Variants in SMLR1 observed in about 807,000 individuals in gnomAD.
SMLR1 encodes the protein small leucine rich protein 1.
A neutral mutation model predicts 6.1 loss-of-function variants in SMLR1; 3 were observed. That is an observed-to-expected ratio of 0.49 (90% CI 0.22 to 1.28). SMLR1 has a LOEUF of 1.28. SMLR1 is among the 50% of genes most tolerant of loss of function. The probability of loss-of-function intolerance (pLI) is 0.19; values close to 1 mark genes in which losing one functional copy is unlikely to be tolerated. For missense variants in SMLR1, 126 were observed against 124.8 expected (o/e 1.01, Z -0.05); for synonymous variants, 55 against 53.6 (o/e 1.03, Z -0.11).
Position 130,835,002 on chromosome 6 carries a change from C to A in SMLR1, c.*47C>A. 6.9e-7 allele frequency: 1 copy of A among 1,449,156 alleles called. No individual in the cohort carries two copies. Among genetic ancestry groups the A allele is most frequent in the South Asian group, 1.2e-5 (1 of 82,056 alleles). 89.8% of individuals were successfully genotyped at this position (1,449,156 alleles called of 1,614,324 possible). A position where few individuals can be genotyped will look rare whatever the true frequency, so the allele number is the denominator to read the frequency against. On this transcript the variant is annotated 3_prime_UTR_variant, in exon 2 of 2. Coordinates refer to ENST00000541421, the MANE Select transcript of SMLR1 (RefSeq NM_001195597.2). ...TAAAGCACAATGAGTTTCTACTGGT[C>A]AGCAAGCAATGGCCAACAGTTCAGC...
intron 1 of SMLR1, among the ~76,000 whole-genome samples, chr6:130,834,215 T>C (rs1706552022): frequency 6.6e-6 from 1 of 151,962 alleles, no homozygotes; most frequent in Admixed American, 6.6e-5. Context: ...AAGGAGCAGA[T>C]AAAAGCACAC....
chr6:130,828,814 T>C (rs938476781), intron 1 of SMLR1, among the ~76,000 whole-genome samples: 1 of 152,186 alleles, frequency 6.6e-6, no homozygotes, highest in Non-Finnish European at 1.5e-5. Flanking sequence ...TAAATCCTTT[T>C]CTTTGTTAAG....
In SMLR1 at chr6:130,836,253, G is replaced by C. The variant is rs941799637; in HGVS notation, c.*1298G>C. 1 of 152,178 alleles carries C rather than the reference G, an allele frequency of 6.6e-6. No individual in the cohort carries two copies. The highest frequency in any genetic ancestry group is 2.4e-5 in the African/African-American group (1 of 41,432). The allele number at this position is 152,178 out of a possible 1,614,324, so 9.4% of individuals were successfully genotyped here. A position where few individuals can be genotyped will look rare whatever the true frequency, so the allele number is the denominator to read the frequency against. The stretch of plus-strand genomic sequence containing the variant: ...AAATGTCTGCCGGGGTTTTCAGACT[G>C]AACTAATTCAGAGTAACAGTGCTCT... On this transcript the variant is annotated 3_prime_UTR_variant, in exon 2 of 2. Coordinates refer to ENST00000541421, the MANE Select transcript of SMLR1 (RefSeq NM_001195597.2).
At position 130,836,471 on chromosome 6, in the gene SMLR1, T is replaced by C. The variant is rs868754067; in HGVS notation, c.*1516T>C. 1.3e-5 allele frequency: 2 copies of C among 152,234 alleles called. No homozygotes were observed. The highest frequency in any genetic ancestry group is 2.9e-5 in the Non-Finnish European group (2 of 68,078). The allele number at this position is 152,234 out of a possible 1,614,324, so 9.4% of individuals were successfully genotyped here. A position where few individuals can be genotyped will look rare whatever the true frequency, so the allele number is the denominator to read the frequency against. On this transcript the variant is annotated 3_prime_UTR_variant, in exon 2 of 2. Coordinates refer to ENST00000541421, the MANE Select transcript of SMLR1 (RefSeq NM_001195597.2). Reference sequence around the variant, plus strand: ...CAAGGTTTGCTCCATCTTCCTCCAATAATGGGCACTTCAGAAGGCCAGTTC... The same window carrying C: ...CAAGGTTTGCTCCATCTTCCTCCAACAATGGGCACTTCAGAAGGCCAGTTC...
Position 130,827,540 on chromosome 6 carries a change from T to C in SMLR1, c.127T>C (p.Ser43Pro), listed in dbSNP as rs1441723244. Reference protein sequence around the residue: ...SVWLAMSSVLSAFMRELPGWF... With the variant: ...SVWLAMSSVLPAFMRELPGWF... ...GTGGTTGGCAATGAGCTCTGTGCTG[T>C]CAGCTTTCATGAGGGAGCTCCCTGG... The change falls in exon 1 of 2, where the codon TCA becomes CCA. Residue 43 changes from serine to proline, a missense_variant. Physicochemically the swap from Ser to Pro is moderately conservative, Grantham distance 74. Coordinates refer to ENST00000541421, the MANE Select transcript of SMLR1 (RefSeq NM_001195597.2). The C allele has an allele frequency of 1.3e-6, 2 of 1,536,032 alleles. No individual in the cohort carries two copies. Among genetic ancestry groups the C allele is most frequent in the African/African-American group, 2.7e-5 (2 of 73,146 alleles).
At chr6:130,832,086 C>T (rs1774472744) in intron 1 of SMLR1, among the ~76,000 whole-genome samples, 1 of 152,162 alleles carries the variant, frequency 6.6e-6, no homozygotes, top group Non-Finnish European at 1.5e-5. Context: ...CCAATCCCTG[C>T]ATCAGCCATT....
chr6:130,834,745 C>A, intron 1 of SMLR1, 125 bp from the exon 2 acceptor site: 1 of 700,654 alleles, frequency 1.4e-6, no homozygotes, highest in Non-Finnish European at 2.5e-6. Context: ...GCTTGGAAGA[C>A]CTGGACTTCT....
At chr6:130,831,976 A>G (rs1774464294) in intron 1 of SMLR1, among the ~76,000 whole-genome samples, 1 of 152,168 alleles carries the variant, frequency 6.6e-6, no homozygotes, top group Admixed American at 6.5e-5. Context: ...CTCGCAAAGG[A>G]AGAAAGAAAA....
At chr6:130,828,069 T>C (rs990772416) in intron 1 of SMLR1, among the ~76,000 whole-genome samples, 1 of 152,266 alleles carries the variant, frequency 6.6e-6, no homozygotes, top group Non-Finnish European at 1.5e-5. Context: ...CGCCCGTGTG[T>C]GCACACACAC....
chr6:130,836,224 A>G lies in SMLR1; in HGVS notation c.*1269A>G, dbSNP rs555916239. 6.6e-6 allele frequency: 1 copy of G among 152,326 alleles called. No homozygotes were observed. Among genetic ancestry groups the G allele is most frequent in the East Asian group, 1.9e-4 (1 of 5,192 alleles). The allele number at this position is 152,326 out of a possible 1,614,324, so 9.4% of individuals were successfully genotyped here. On this transcript the variant is annotated 3_prime_UTR_variant, in exon 2 of 2. Transcript: ENST00000541421. ...CTGCATTTTACTGCACTTGATTACA[A>G]TGAAAATGTCTGCCGGGGTTTTCAG...
chr6:130,829,975 C>A (rs1271944723), intron 1 of SMLR1, among the ~76,000 whole-genome samples: 1 of 152,162 alleles, frequency 6.6e-6, no homozygotes, highest in African/African-American at 2.4e-5. Flanking sequence ...AATTCTCATT[C>A]ATTTATTCAA....
intron 1 of SMLR1, among the ~76,000 whole-genome samples, chr6:130,827,908 C>T (rs1456174377): frequency 3.9e-5 from 6 of 152,296 alleles, no homozygotes; most frequent in Admixed American, 3.3e-4. Flanking sequence ...CACAGACATA[C>T]TGTGAATCAG....
chr6:130,830,012 C>T (rs1446434342), intron 1 of SMLR1, among the ~76,000 whole-genome samples: 1 of 152,066 alleles, frequency 6.6e-6, no homozygotes, highest in Non-Finnish European at 1.5e-5. Flanking sequence ...TATCATATAC[C>T]ACAGACTGTC....
intron 1 of SMLR1, among the ~76,000 whole-genome samples, chr6:130,832,812 G>A (rs1400110463): frequency 6.6e-6 from 1 of 152,152 alleles, no homozygotes; most frequent in Non-Finnish European, 1.5e-5. Context: ...CTCAGTAGGG[G>A]TTCTATCTGT....
intron 1 of SMLR1, among the ~76,000 whole-genome samples, chr6:130,828,536 G>C (rs1774347892): frequency 6.6e-6 from 1 of 152,100 alleles, no homozygotes; most frequent in African/African-American, 2.4e-5. Context: ...TCTTGGACTT[G>C]CCAAGCTTTT....
intron 1 of SMLR1, among the ~76,000 whole-genome samples, chr6:130,829,864 G>C (rs1307332498): frequency 6.6e-6 from 1 of 152,108 alleles, no homozygotes; most frequent in Non-Finnish European, 1.5e-5. Context: ...GGGAAAGCAA[G>C]CATGTCAGCC....
rs555027195 is a variant in SMLR1, at chr6:130,829,059, C to T, written c.238+1408C>T. ...ATCTCAGCCTCCCATTGACATTGAA[C>T]GTCCCAGGGACAATAAAACGATGCT... On this transcript the variant is annotated intron_variant, in intron 1 of 1. Coordinates refer to ENST00000541421, the MANE Select transcript of SMLR1 (RefSeq NM_001195597.2). Among the ~76,000 whole-genome samples, 52 of 152,300 alleles carry T rather than the reference C, an allele frequency of 3.4e-4. No homozygotes were observed. In the South Asian group the frequency reaches 4.6e-3, roughly 13 times the overall value.
chr6:130,836,391 G>A lies in SMLR1; in HGVS notation c.*1436G>A, dbSNP rs1247091381. On this transcript the variant is annotated 3_prime_UTR_variant, in exon 2 of 2. Transcript: ENST00000541421. Reference sequence around the variant, plus strand: ...CTTTCTTTAACAGAAAGTGTGAAAGGACAGATCGTATTCCTATCTCAGGCA... The same window carrying A: ...CTTTCTTTAACAGAAAGTGTGAAAGAACAGATCGTATTCCTATCTCAGGCA... 6.6e-6 allele frequency: 1 copy of A among 152,162 alleles called. No individual in the cohort carries two copies. The highest frequency in any genetic ancestry group is 2.4e-5 in the African/African-American group (1 of 41,432). 9.4% of individuals were successfully genotyped at this position (152,162 alleles called of 1,614,324 possible).
At chr6:130,831,875 T>C (rs1774460305) in intron 1 of SMLR1, among the ~76,000 whole-genome samples, 2 of 152,176 alleles carry the variant, frequency 1.3e-5, no homozygotes, top group African/African-American at 4.8e-5. Context: ...TGTGGAGGTA[T>C]TGTAATCACT....
Sources: gnomAD v4.1 joint callset for allele counts (sites outside exome capture counted in the v4.1 genomes callset) on GRCh38, gnomAD v4.1.1 for gene constraint, MANE v1.5 for transcripts, NCBI Gene and HGNC (gene_info 2026-07-23, HGNC 2026-07-21) for gene names.